Variants in ALDH1A1 observed in about 807,000 individuals in gnomAD.
ALDH1A1 encodes the protein aldehyde dehydrogenase 1 family member A1.
In ALDH1A1, 19 loss-of-function variants were observed where a neutral mutation model predicts 62.1. That is an observed-to-expected ratio of 0.31 (90% CI 0.21 to 0.45). The LOEUF (loss-of-function observed/expected upper bound fraction) is 0.45, where lower values mean the gene tolerates loss of function less well. Among genes scored for constraint, ALDH1A1 ranks in the 20% least tolerant of loss-of-function variants. ALDH1A1 has a pLI of 1.00. For missense variants in ALDH1A1, 521 were observed against 607.1 expected (o/e 0.86, Z 1.49); for synonymous variants, 231 against 215.9 (o/e 1.07, Z -0.61).
chr9:72,941,267 G>A (rs968735623), intron 1 of ALDH1A1, among the ~76,000 whole-genome samples: 1 of 152,026 alleles, frequency 6.6e-6, no homozygotes, highest in South Asian at 2.1e-4. Flanking sequence ...GTTCAACCCC[G>A]AGGGAGAATG....
At chr9:72,910,584 C>T (rs1829970131) in intron 10 of ALDH1A1, among the ~76,000 whole-genome samples, 2 of 152,110 alleles carry the variant, frequency 1.3e-5, no homozygotes, top group African/African-American at 4.8e-5. Context: ...TGTATCTCAG[C>T]CTCAGGTAAA....
intron 12 of ALDH1A1, among the ~76,000 whole-genome samples, chr9:72,904,902 T>C (rs1024673451): frequency 6.6e-6 from 1 of 152,192 alleles, no homozygotes; most frequent in African/African-American, 2.4e-5. Context: ...TGGAACATGG[T>C]GTCATGTCTC....
At chr9:72,908,236 A>G (rs1217349494) in intron 11 of ALDH1A1, among the ~76,000 whole-genome samples, 1 of 151,832 alleles carries the variant, frequency 6.6e-6, no homozygotes, top group Non-Finnish European at 1.5e-5. Context: ...TCCGGCCAAC[A>G]TGGTGAAACC....
chr9:72,911,452 C>T (rs1829986626), intron 10 of ALDH1A1, among the ~76,000 whole-genome samples: 1 of 152,110 alleles, frequency 6.6e-6, no homozygotes, highest in South Asian at 2.1e-4. Flanking sequence ...CGATAGCTCT[C>T]TTGAACTTAC....
At chr9:72,942,383 C>T in intron 1 of ALDH1A1, 8 of 985,124 alleles carry the variant, frequency 8.1e-6, no homozygotes, top group Non-Finnish European at 8.4e-6. Context: ...TGTCCCCCAG[C>T]CCTATCTCTC....
chr9:72,920,561 C>G (rs1326408755), intron 7 of ALDH1A1, among the ~76,000 whole-genome samples: 1 of 152,038 alleles, frequency 6.6e-6, no homozygotes, highest in Non-Finnish European at 1.5e-5. Flanking sequence ...GTAATAAAAT[C>G]AAATATATTT....
chr9:72,915,988 C>G (rs937598469), intron 9 of ALDH1A1, among the ~76,000 whole-genome samples: 3 of 152,120 alleles, frequency 2.0e-5, no homozygotes, highest in African/African-American at 7.2e-5. Flanking sequence ...TGTCTAGACT[C>G]CAGAGCAGGA....
intron 7 of ALDH1A1, among the ~76,000 whole-genome samples, chr9:72,922,854 C>T (rs1830160771): frequency 6.6e-6 from 1 of 152,142 alleles, no homozygotes; most frequent in Admixed American, 6.5e-5. Context: ...TTCCCTATCT[C>T]AATTAGGGAG....
intron 10 of ALDH1A1, among the ~76,000 whole-genome samples, chr9:72,911,399 C>T (rs1234141834): frequency 6.6e-6 from 1 of 152,078 alleles, no homozygotes. Flanking sequence ...TAGCAATATT[C>T]AAGTATACAA....
At chr9:72,918,009 C>G (rs1830084652) in intron 8 of ALDH1A1, among the ~76,000 whole-genome samples, 1 of 152,174 alleles carries the variant, frequency 6.6e-6, no homozygotes, top group Non-Finnish European at 1.5e-5. Flanking sequence ...AAGATCAAAA[C>G]AGCAACATAG....
At chr9:72,927,216 G>T (rs1830222854) in intron 4 of ALDH1A1, 39 bp from the exon 5 acceptor site, 1 of 1,439,542 alleles carries the variant, frequency 6.9e-7, no homozygotes, top group Admixed American at 2.0e-5. Flanking sequence ...ATAAACAAAT[G>T]TATTTGACAT....
intron 9 of ALDH1A1, among the ~76,000 whole-genome samples, 164 bp from the exon 10 acceptor site, chr9:72,912,286 T>A (rs1378942542): frequency 9.8e-5 from 15 of 152,342 alleles, no homozygotes; most frequent in Non-Finnish European, 1.5e-4. Context: ...TTGGATATAT[T>A]TTCTTCTCAT....
intron 9 of ALDH1A1, among the ~76,000 whole-genome samples, chr9:72,914,589 T>A (rs1199156444): frequency 6.6e-6 from 1 of 152,182 alleles, no homozygotes; most frequent in Non-Finnish European, 1.5e-5. Context: ...TTTATGTGGC[T>A]ATCACAATTT....
In ALDH1A1 at chr9:72,930,964, G is replaced by C. The variant is rs150537821; in HGVS notation, c.227C>G (p.Pro76Arg). ...AARQAFQIGS[P>R]WRTMDASERG... ...CTCGGAAGCATCCATAGTACGCCAC[G>C]GGGATCCAATCTGAAAAGCCTGTCT... is the stretch of plus-strand genomic sequence containing the variant. The change falls in exon 3 of 13, where the codon CCG becomes CGG. Residue 76 changes from proline (P) to arginine (R), a missense_variant. By Grantham distance (103) the Pro-to-Arg change is moderately radical (BLOSUM62 -2). Coordinates refer to ENST00000297785, the MANE Select transcript of ALDH1A1 (RefSeq NM_000689.5). 3 of 1,613,842 alleles carry C rather than the reference G, an allele frequency of 1.9e-6. No homozygotes were observed. Among genetic ancestry groups the C allele is most frequent in the African/African-American group, 2.7e-5 (2 of 74,872 alleles).
chr9:72,902,420 G>A (rs1829817176), intron 12 of ALDH1A1, among the ~76,000 whole-genome samples: 1 of 151,874 alleles, frequency 6.6e-6, no homozygotes, highest in South Asian at 2.1e-4. Flanking sequence ...ATCATTTTCT[G>A]CTGGGTAACC....
intron 1 of ALDH1A1, among the ~76,000 whole-genome samples, chr9:72,944,680 T>C (rs1830456034): frequency 1.3e-5 from 2 of 152,108 alleles, no homozygotes; most frequent in African/African-American, 4.8e-5. Context: ...GACAATATTA[T>C]TTTCCATTTG....
rs1293309159 is a variant in ALDH1A1 at position 72,945,835 on chromosome 9, G to T, written c.67-5583C>A. ...GGAAATTAAGGAGGAAATAACAAAG[G>T]GAAAGAAAATTTTTAACTGTCATCA... On this transcript the variant is annotated intron_variant, in intron 1 of 12. Transcript: ENST00000297785. Among the ~76,000 whole-genome samples the T allele has an allele frequency of 2.6e-5, 4 of 151,466 alleles. No homozygotes were observed. In the East Asian group the frequency reaches 7.8e-4, roughly 29 times the overall value.
At chr9:72,950,998 A>T (rs1588147750) in intron 1 of ALDH1A1, among the ~76,000 whole-genome samples, 1 of 151,934 alleles carries the variant, frequency 6.6e-6, no homozygotes, top group Admixed American at 6.6e-5. Context: ...CGTCCTCCCA[A>T]GTGTGAAAAC....
At chr9:72,936,411 TG>T (rs1366326783) in intron 2 of ALDH1A1, among the ~76,000 whole-genome samples, 2 of 152,200 alleles carry the variant, frequency 1.3e-5, no homozygotes, top group Non-Finnish European at 2.9e-5. Flanking sequence ...TTTTTCTGTT[TG>T]TTAGTTGCAA....
Sources: gnomAD v4.1 joint callset for allele counts (sites outside exome capture counted in the v4.1 genomes callset) on GRCh38, gnomAD v4.1.1 for gene constraint, MANE v1.5 for transcripts, NCBI Gene and HGNC (gene_info 2026-07-23, HGNC 2026-07-21) for gene names.